Variants in SGCZ observed in about 807,000 individuals in gnomAD.
SGCZ encodes the protein zeta-sarcoglycan.
Under a neutral mutation model 41.3 loss-of-function variants are expected in SGCZ, and 40 were observed. The ratio of observed to expected loss-of-function variants is 0.97; its 90% CI spans 0.75 to 1.26. The LOEUF (loss-of-function observed/expected upper bound fraction) is 1.26. Among genes scored for constraint, SGCZ ranks in the 50% most tolerant of loss-of-function variants. The probability of loss-of-function intolerance (pLI) is 0.00; values close to 1 mark genes in which losing one functional copy is unlikely to be tolerated. For synonymous variants in SGCZ, 206 were observed against 137.5 expected, an observed-to-expected ratio of 1.50 and a Z score of -3.49; for missense variants, 552 against 369.8, an observed-to-expected ratio of 1.49 and a Z score of -4.04.
chr8:14,453,664 T>C (rs1031067313), intron 2 of SGCZ, among the ~76,000 whole-genome samples: 1 of 152,206 alleles, frequency 6.6e-6, no homozygotes, highest in Non-Finnish European at 1.5e-5. Context: ...TTAGTCAAAA[T>C]TCAGAATTTA....
chr8:14,557,211 T>G (rs182322562), intron 1 of SGCZ, among the ~76,000 whole-genome samples: 2 of 152,188 alleles, frequency 1.3e-5, no homozygotes, highest in Non-Finnish European at 2.9e-5. Flanking sequence ...TTCATGTGTT[T>G]ATTGGTCATT....
intron 1 of SGCZ, among the ~76,000 whole-genome samples, chr8:15,007,538 C>G (rs982084847): frequency 1.3e-5 from 2 of 152,146 alleles, no homozygotes; most frequent in African/African-American, 4.8e-5. Context: ...TGACTGACAG[C>G]GTAACTCAAG....
intron 2 of SGCZ, among the ~76,000 whole-genome samples, chr8:14,341,374 T>C (rs1412838464): frequency 6.6e-6 from 1 of 152,206 alleles, no homozygotes; most frequent in East Asian, 1.9e-4. Context: ...CTTGTACCAT[T>C]TTACATCTCT....
intron 2 of SGCZ, among the ~76,000 whole-genome samples, chr8:14,400,273 T>C (rs766867828): frequency 6.6e-6 from 1 of 152,174 alleles, no homozygotes; most frequent in African/African-American, 2.4e-5. Flanking sequence ...GTTGACATTT[T>C]AGTTGTTACC....
intron 1 of SGCZ, among the ~76,000 whole-genome samples, chr8:14,666,599 G>C (rs994539475): frequency 3.3e-5 from 5 of 150,452 alleles, no homozygotes; most frequent in African/African-American, 9.8e-5. Flanking sequence ...ATATTTATCA[G>C]TCTTTGGAAC....
intron 3 of SGCZ, among the ~76,000 whole-genome samples, chr8:14,312,389 T>TCAGCC (rs1585349666): frequency 6.6e-6 from 1 of 152,292 alleles, no homozygotes; most frequent in East Asian, 1.9e-4. Flanking sequence ...ATAGCAGTAG[T>TCAGCC]CAGCCCACGT....
chr8:14,280,916 G>C (rs567637415), intron 3 of SGCZ, among the ~76,000 whole-genome samples: 71 of 148,248 alleles, frequency 4.8e-4, no homozygotes, highest in Middle Eastern at 6.8e-3. Context: ...GAAACAAGAA[G>C]GTCATCAAAC....
intron 1 of SGCZ, among the ~76,000 whole-genome samples, chr8:15,006,398 G>C (rs1209246387): frequency 6.6e-6 from 1 of 152,144 alleles, no homozygotes; most frequent in Non-Finnish European, 1.5e-5. Context: ...CCAATAGCTG[G>C]ATTTAGAAAA....
Position 14,309,476 on chromosome 8 carries a change from G to C in SGCZ, c.336+14627C>G, listed in dbSNP as rs1009122151. 6.8e-6 allele frequency: 11 copies of C among 1,606,854 alleles called. No individual in the cohort carries two copies. The African/African-American group carries it at 1.3e-4, about 20-fold the overall frequency. ...CTGCAGTGATGATGTATGTGGCGCTGTTGTTAATGTTAGAGCTAATTGTGA... is the reference window on the plus strand; with the variant it reads ...CTGCAGTGATGATGTATGTGGCGCTCTTGTTAATGTTAGAGCTAATTGTGA... On this transcript the variant is annotated intron_variant, in intron 3 of 7. Coordinates refer to ENST00000382080, the MANE Select transcript of SGCZ (RefSeq NM_139167.4).
At chr8:15,128,121 T>TC in intron 1 of SGCZ, among the ~76,000 whole-genome samples, 1 of 152,320 alleles carries the variant, frequency 6.6e-6, no homozygotes, top group South Asian at 2.1e-4. Flanking sequence ...CTCTTTTTTT[T>TC]CACATCCCCT....
At chr8:14,564,380 A>G (rs1051687908) in intron 1 of SGCZ, among the ~76,000 whole-genome samples, 6 of 152,192 alleles carry the variant, frequency 3.9e-5, no homozygotes, top group South Asian at 2.1e-4. Flanking sequence ...GGAATGCGAC[A>G]CAATAGTTTA....
intron 2 of SGCZ, among the ~76,000 whole-genome samples, chr8:14,494,093 G>T (rs1374134560): frequency 4.6e-5 from 7 of 152,298 alleles, no homozygotes; most frequent in Middle Eastern, 3.4e-3. Context: ...TCAGGAGGAA[G>T]CATGGACAGA....
intron 3 of SGCZ, among the ~76,000 whole-genome samples, chr8:14,306,951 C>T (rs1801370769): frequency 1.3e-5 from 2 of 152,154 alleles, no homozygotes; most frequent in African/African-American, 2.4e-5. Flanking sequence ...ATTCACTTCA[C>T]AAATAGTTCT....
At chr8:14,309,108 C>G (rs1585345869) in intron 3 of SGCZ, 1 of 1,460,852 alleles carries the variant, frequency 6.8e-7, no homozygotes. Flanking sequence ...GTTGCTAACC[C>G]AGAACACTAT....
At chr8:15,050,842 A>C (rs1338074262) in intron 1 of SGCZ, among the ~76,000 whole-genome samples, 1 of 152,160 alleles carries the variant, frequency 6.6e-6, no homozygotes, top group Non-Finnish European at 1.5e-5. Flanking sequence ...AGAATATTGC[A>C]TTTTTAGATG....
chr8:14,191,432 C>G (rs929087698), intron 4 of SGCZ, among the ~76,000 whole-genome samples: 7 of 152,148 alleles, frequency 4.6e-5, no homozygotes, highest in Non-Finnish European at 1.0e-4. Flanking sequence ...AGTTTTTCCC[C>G]TTATGTTTTC....
intron 4 of SGCZ, among the ~76,000 whole-genome samples, chr8:14,196,572 A>G (rs193042453): frequency 2.6e-5 from 4 of 152,224 alleles, no homozygotes; most frequent in African/African-American, 4.8e-5. Context: ...ACGTATATAC[A>G]CTAATTTGTA....
intron 4 of SGCZ, among the ~76,000 whole-genome samples, chr8:14,186,319 C>G (rs1394529513): frequency 1.3e-5 from 2 of 152,224 alleles, no homozygotes; most frequent in African/African-American, 4.8e-5. Context: ...GAGACTGTAT[C>G]ATTTTAGCCA....
chr8:15,098,665 T>C (rs1282184032), intron 1 of SGCZ, among the ~76,000 whole-genome samples: 1 of 152,222 alleles, frequency 6.6e-6, no homozygotes, highest in Non-Finnish European at 1.5e-5. Context: ...GCCTTTTTTT[T>C]CTGGCTTTTA....
Sources: allele counts gnomAD v4.1 joint callset (sites outside exome capture counted in the v4.1 genomes callset), GRCh38; gene constraint gnomAD v4.1.1; transcripts MANE v1.5; gene names NCBI Gene and HGNC (gene_info 2026-07-23, HGNC 2026-07-21).